Variants in SPIDR observed in about 807,000 individuals in gnomAD.
SPIDR encodes scaffold protein involved in DNA repair.
A neutral mutation model predicts 104.6 loss-of-function variants in SPIDR; 93 were observed. That is an observed-to-expected ratio of 0.89 (90% CI 0.75 to 1.06). The LOEUF (loss-of-function observed/expected upper bound fraction) is 1.06. Among genes scored for constraint, SPIDR ranks in the 50% least tolerant of loss-of-function variants. The pLI is 0.00. For synonymous variants in SPIDR, 431 were observed against 416.9 expected (o/e 1.03, Z -0.41); for missense variants, 1,154 against 1,111.2 (o/e 1.04, Z -0.55).
chr8:47,407,081 A>G (rs1554667812), intron 6 of SPIDR, among the ~76,000 whole-genome samples: 1 of 152,186 alleles, frequency 6.6e-6, no homozygotes, highest in East Asian at 1.9e-4. Context: ...CTTTCTCTCT[A>G]CATATGCATG....
At chr8:47,587,464 G>A (rs894414008) in intron 8 of SPIDR, among the ~76,000 whole-genome samples, 3 of 151,858 alleles carry the variant, frequency 2.0e-5, no homozygotes, top group African/African-American at 4.8e-5. Context: ...AAAAAATAAC[G>A]GGGCATGGTG....
At chr8:47,656,421 G>A (rs969151174) in intron 10 of SPIDR, among the ~76,000 whole-genome samples, 3 of 152,144 alleles carry the variant, frequency 2.0e-5, no homozygotes, top group African/African-American at 7.2e-5. Flanking sequence ...AACATCATTA[G>A]ATACTAGGGA....
chr8:47,290,726 T>C (rs2039760421), intron 3 of SPIDR, among the ~76,000 whole-genome samples: 2 of 152,238 alleles, frequency 1.3e-5, no homozygotes, highest in East Asian at 1.9e-4. Flanking sequence ...CAGAAAGTTA[T>C]ACTTTTATAA....
intron 8 of SPIDR, among the ~76,000 whole-genome samples, chr8:47,549,777 C>G (rs1440360736): frequency 2.6e-5 from 4 of 152,192 alleles, no homozygotes; most frequent in African/African-American, 9.6e-5. Context: ...TAATTAGACC[C>G]CATTTGTCAA....
intron 8 of SPIDR, among the ~76,000 whole-genome samples, chr8:47,442,659 ATTTAGCTCTTTCATTAGTGTCTAAG>A (rs1415873695): frequency 4.6e-5 from 7 of 152,300 alleles, no homozygotes; most frequent in Admixed American, 1.3e-4. Flanking sequence ...CCCTTGTGGA[ATTTAGCTCTTTCATTAGTGTCTAAG>A]TTCATTTGTG....
At chr8:47,469,173 A>G (rs547495947) in intron 8 of SPIDR, among the ~76,000 whole-genome samples, 9 of 152,344 alleles carry the variant, frequency 5.9e-5, no homozygotes, top group African/African-American at 2.2e-4. Flanking sequence ...AATGGCTATT[A>G]TTAAAAAGTC....
At chr8:47,360,558 T>G (rs1447868684) in intron 5 of SPIDR, among the ~76,000 whole-genome samples, 4 of 152,122 alleles carry the variant, frequency 2.6e-5, no homozygotes, top group Non-Finnish European at 5.9e-5. Flanking sequence ...GGGCTCTGTT[T>G]GACTGGAGAG....
intron 15 of SPIDR, chr8:47,713,087 T>C (rs2082102988): frequency 1.6e-6 from 2 of 1,280,092 alleles, no homozygotes; most frequent in South Asian, 4.6e-5. Flanking sequence ...CTGTGCTCAC[T>C]CCAGAATTGC....
At chr8:47,443,765 G>A (rs1554699157) in intron 8 of SPIDR, among the ~76,000 whole-genome samples, 1 of 150,480 alleles carries the variant, frequency 6.6e-6, no homozygotes, top group African/African-American at 2.4e-5. Context: ...TTTAACATGG[G>A]CACAGTTTTT....
intron 5 of SPIDR, among the ~76,000 whole-genome samples, chr8:47,327,059 A>G (rs2047774198): frequency 1.3e-5 from 2 of 152,172 alleles, no homozygotes; most frequent in African/African-American, 2.4e-5. Flanking sequence ...CCTGTTAGCA[A>G]CGCACAAAGG....
At chr8:47,594,639 CAT>C (rs2061443061) in intron 8 of SPIDR, among the ~76,000 whole-genome samples, 1 of 152,122 alleles carries the variant, frequency 6.6e-6, no homozygotes, top group Admixed American at 6.6e-5. Flanking sequence ...TTTGTCAGCA[CAT>C]GTTACTGTTT....
intron 8 of SPIDR, among the ~76,000 whole-genome samples, chr8:47,594,196 CAAAAAAAAA>C (rs372928071): frequency 1.9e-5 from 1 of 53,546 alleles, no homozygotes. Context: ...CCAGTCTCTA[CAAAAAAAAA>C]AAAAAAAAAA....
chr8:47,732,308 A>G (rs1169942375), intron 19 of SPIDR: 1 of 663,876 alleles, frequency 1.5e-6, no homozygotes, highest in East Asian at 2.7e-5. Flanking sequence ...GTGCACATTT[A>G]TGCAGTATGT....
chr8:47,701,386 C>T (rs1052300872), intron 12 of SPIDR, among the ~76,000 whole-genome samples: 9 of 152,088 alleles, frequency 5.9e-5, no homozygotes, highest in African/African-American at 1.7e-4. Context: ...GAGCCAAGAT[C>T]GTGCCATTGC....
chr8:47,523,193 T>C (rs115818181), intron 8 of SPIDR, among the ~76,000 whole-genome samples: 45 of 152,122 alleles, frequency 3.0e-4, no homozygotes, highest in African/African-American at 1.1e-3. Flanking sequence ...TCTTTTGGAA[T>C]TTGAACTTTA....
At chr8:47,308,142 AC>A (rs1319970728) in intron 5 of SPIDR, among the ~76,000 whole-genome samples, 1 of 149,412 alleles carries the variant, frequency 6.7e-6, no homozygotes, top group African/African-American at 2.5e-5. Context: ...GCTCACTGCA[AC>A]CTCTACCTCC....
Position 47,608,540 on chromosome 8 carries a change from C to T in SPIDR, c.1544+9344C>T, listed in dbSNP as rs550576673. Among the ~76,000 whole-genome samples the T allele has an allele frequency of 6.5e-3, 990 of 152,284 alleles. 3 individuals are homozygous for T. Among genetic ancestry groups the T allele is most frequent in the Non-Finnish European group, 9.7e-3 (658 of 68,024 alleles). ...GCCACAGTATTTTCCAAAGTGGCTACACGATTTTACATTCCCATCAGCAAT... is the reference window on the plus strand; with the variant it reads ...GCCACAGTATTTTCCAAAGTGGCTATACGATTTTACATTCCCATCAGCAAT... On this transcript the variant is annotated intron_variant, in intron 10 of 19. Coordinates refer to ENST00000297423, the MANE Select transcript of SPIDR (RefSeq NM_001080394.4).
intron 8 of SPIDR, among the ~76,000 whole-genome samples, chr8:47,495,196 G>A (rs746700661): frequency 7.2e-5 from 11 of 151,842 alleles, no homozygotes; most frequent in Non-Finnish European, 1.6e-4. Context: ...ATTGCATAGT[G>A]CACATGTCCA....
chr8:47,659,527 A>T (rs1304278285), intron 10 of SPIDR: 1 of 155,632 alleles, frequency 6.4e-6, no homozygotes, highest in East Asian at 1.9e-4. Flanking sequence ...GAGAAGAAGA[A>T]CACAATGTCC....
Sources: allele counts gnomAD v4.1 joint callset (sites outside exome capture counted in the v4.1 genomes callset), GRCh38; gene constraint gnomAD v4.1.1; transcripts MANE v1.5; gene names NCBI Gene and HGNC (gene_info 2026-07-23, HGNC 2026-07-21).